C7orf78: variants seen among roughly 807,000 people sequenced by gnomAD.
C7orf78 encodes the protein chromosome 7 open reading frame 78.
the C7orf78 span, among the ~76,000 whole-genome samples, chr7:12,512,446 C>T: frequency 6.6e-5 from 10 of 152,230 alleles, no homozygotes; most frequent in African/African-American, 2.4e-4. Flanking sequence ...TTGAGATGAT[C>T]AAATCAATTT....
the C7orf78 span, chr7:12,506,736 C>T: frequency 4.3e-3 from 1,245 of 289,458 alleles, 21 homozygotes; most frequent in African/African-American, 0.027. Flanking sequence ...CACATGTATA[C>T]GTATGTAACA....
the C7orf78 span, among the ~76,000 whole-genome samples, chr7:12,527,786 T>C: frequency 6.7e-6 from 1 of 150,354 alleles, no homozygotes; most frequent in Non-Finnish European, 1.5e-5. Context: ...CATCTAGCTG[T>C]GTAATTGAAA....
At chr7:12,483,359 T>C in the C7orf78 span, 2 of 152,184 alleles carry the variant, frequency 1.3e-5, no homozygotes, top group Non-Finnish European at 2.9e-5. Context: ...AGCTTTTCAT[T>C]TTCTACAAAG....
the C7orf78 span, among the ~76,000 whole-genome samples, chr7:12,512,090 G>A: frequency 2.0e-5 from 3 of 151,740 alleles, no homozygotes; most frequent in African/African-American, 7.3e-5. Flanking sequence ...TTGTTTATTA[G>A]TTCTAAGAGT....
chr7:12,514,697 C>T, the C7orf78 span, among the ~76,000 whole-genome samples: 69 of 152,136 alleles, frequency 4.5e-4, 1 homozygote, highest in African/African-American at 1.5e-3. Context: ...TTCTCTTCCT[C>T]GTTTGTGTGT....
the C7orf78 span, among the ~76,000 whole-genome samples, chr7:12,517,449 A>G: frequency 6.6e-6 from 1 of 152,178 alleles, no homozygotes; most frequent in African/African-American, 2.4e-5. Context: ...GGAACTTTTC[A>G]GCTATTATTC....
At chr7:12,528,075 C>T in the C7orf78 span, among the ~76,000 whole-genome samples, 1 of 147,570 alleles carries the variant, frequency 6.8e-6, no homozygotes, top group Non-Finnish European at 1.5e-5. Context: ...GTGTCACTCA[C>T]TTTGGTAGAA....
chr7:12,529,323 G>C, the C7orf78 span, among the ~76,000 whole-genome samples: 1 of 152,142 alleles, frequency 6.6e-6, no homozygotes, highest in Non-Finnish European at 1.5e-5. Flanking sequence ...TGAGATCAGA[G>C]TATCCCTGTT....
chr7:12,532,249 T>C, the C7orf78 span, among the ~76,000 whole-genome samples: 1 of 152,174 alleles, frequency 6.6e-6, no homozygotes, highest in African/African-American at 2.4e-5. Flanking sequence ...GGGCTGCTTT[T>C]CATTAAAAAG....
At chr7:12,488,065 A>G in the C7orf78 span, among the ~76,000 whole-genome samples, 1 of 152,082 alleles carries the variant, frequency 6.6e-6, no homozygotes, top group Non-Finnish European at 1.5e-5. Flanking sequence ...CTCAAGTATC[A>G]TGTGACCATT....
At chr7:12,516,311 G>A in the C7orf78 span, among the ~76,000 whole-genome samples, 39 of 152,230 alleles carry the variant, frequency 2.6e-4, no homozygotes, top group Non-Finnish European at 4.8e-4. Context: ...TTGAACCTGC[G>A]AGTGCACAGA....
the C7orf78 span, among the ~76,000 whole-genome samples, chr7:12,526,215 A>G: frequency 3.9e-5 from 6 of 152,082 alleles, no homozygotes; most frequent in Non-Finnish European, 7.4e-5. Flanking sequence ...CACTGCCCCA[A>G]ATCACCTAAA....
At chr7:12,498,372 T>C in the C7orf78 span, among the ~76,000 whole-genome samples, 1 of 150,032 alleles carries the variant, frequency 6.7e-6, no homozygotes. Context: ...GAATAACCAA[T>C]ACAGAGAAGT....
chr7:12,518,820 G>T, the C7orf78 span, among the ~76,000 whole-genome samples: 1 of 152,068 alleles, frequency 6.6e-6, no homozygotes, highest in African/African-American at 2.4e-5. Context: ...GTACTAGAAA[G>T]CATAGTGGCC....
chr7:12,494,362 T>G, the C7orf78 span, among the ~76,000 whole-genome samples: 1 of 152,122 alleles, frequency 6.6e-6, no homozygotes, highest in Non-Finnish European at 1.5e-5. Context: ...GAAGTATCAC[T>G]CCCACTTAGT....
At chr7:12,490,203 T>G in the C7orf78 span, among the ~76,000 whole-genome samples, 1 of 152,230 alleles carries the variant, frequency 6.6e-6, no homozygotes, top group South Asian at 2.1e-4. Flanking sequence ...TCTATTTACA[T>G]TTTACTTCTG....
chr7:12,522,048 G>A, the C7orf78 span, among the ~76,000 whole-genome samples: 1 of 152,004 alleles, frequency 6.6e-6, no homozygotes, highest in African/African-American at 2.4e-5. Flanking sequence ...TATATGAAGA[G>A]TAGTTTCCTT....
the C7orf78 span, among the ~76,000 whole-genome samples, chr7:12,493,221 A>C: frequency 6.6e-6 from 1 of 152,156 alleles, no homozygotes; most frequent in Non-Finnish European, 1.5e-5. Context: ...AATCTATAAA[A>C]TCCTTATTGG....
the C7orf78 span, chr7:12,528,850 G>C: frequency 2.8e-5 from 11 of 397,562 alleles, no homozygotes; most frequent in Admixed American, 4.4e-5. Context: ...GAGACATCAT[G>C]AACAAAGACA....
Sources: gnomAD v4.1 joint callset for allele counts (sites outside exome capture counted in the v4.1 genomes callset) on GRCh38, gnomAD v4.1.1 for gene constraint, MANE v1.5 for transcripts, NCBI Gene and HGNC (gene_info 2026-07-23, HGNC 2026-07-21) for gene names.